CNTNAP2: variants seen among roughly 807,000 people sequenced by gnomAD.
CNTNAP2 encodes contactin associated protein 2, also known as contactin-associated protein-like 2.
In CNTNAP2, 98 loss-of-function variants were observed where a neutral mutation model predicts 155.2. The ratio of observed to expected loss-of-function variants is 0.63; its 90% confidence interval spans 0.54 to 0.75. The LOEUF (loss-of-function observed/expected upper bound fraction) is 0.75, where lower values mean the gene tolerates loss of function less well. Ranked by LOEUF, CNTNAP2 falls within the 30% of genes least tolerant of loss-of-function variation. The pLI, the probability that CNTNAP2 is intolerant of heterozygous loss-of-function variation, is 0.00. For synonymous variants in CNTNAP2, 651 were observed against 631.2 expected (o/e 1.03, Z -0.47); for missense variants, 1,727 against 1,688.1 (o/e 1.02, Z -0.40).
intron 3 of CNTNAP2, among the ~76,000 whole-genome samples, chr7:146,950,944 C>T (rs1797299475): frequency 6.6e-6 from 1 of 152,176 alleles, no homozygotes; most frequent in South Asian, 2.1e-4. Flanking sequence ...TCCACATCCT[C>T]TCCAGCATCT....
rs1250066930 is a variant in CNTNAP2, at chr7:147,275,308, T to A, written c.1349-24833T>A. On this transcript the variant is annotated intron_variant, in intron 8 of 23. Transcript: ENST00000361727. ...AATCCATGAGCATGGGATGTTTTTT[T>A]CTTTTGTTTGTCTTCTATGGTTTCT... 2.6e-5 allele frequency among the ~76,000 whole-genome samples: 4 copies of A among 152,112 alleles called. No individual in the cohort carries two copies. In the East Asian group the frequency reaches 7.7e-4, roughly 29 times the overall value.
chr7:146,805,424 GCT>G (rs1263119420), intron 2 of CNTNAP2, among the ~76,000 whole-genome samples: 1 of 152,174 alleles, frequency 6.6e-6, no homozygotes, highest in Non-Finnish European at 1.5e-5. Flanking sequence ...CTCAGGATTT[GCT>G]CTCTGTTTTC....
At chr7:146,420,786 T>A (rs1158973728) in intron 1 of CNTNAP2, among the ~76,000 whole-genome samples, 1 of 152,100 alleles carries the variant, frequency 6.6e-6, no homozygotes, top group Non-Finnish European at 1.5e-5. Flanking sequence ...ATAAGACACA[T>A]CATTAATGTA....
intron 21 of CNTNAP2, among the ~76,000 whole-genome samples, chr7:148,323,337 G>A (rs1317166295): frequency 2.9e-5 from 1 of 34,402 alleles, no homozygotes; most frequent in Non-Finnish European, 6.1e-5. Flanking sequence ...TTGTGATTTA[G>A]GTTTATTCTT....
intron 3 of CNTNAP2, among the ~76,000 whole-genome samples, chr7:147,001,415 AG>A (rs1798419585): frequency 6.6e-6 from 1 of 152,066 alleles, no homozygotes; most frequent in African/African-American, 2.4e-5. Context: ...ATTATTTTAC[AG>A]ATGAGTAAAA....
intron 1 of CNTNAP2, among the ~76,000 whole-genome samples, chr7:146,395,711 A>G (rs1795609554): frequency 6.6e-6 from 1 of 152,100 alleles, no homozygotes; most frequent in Non-Finnish European, 1.5e-5. Context: ...ACAAATAGCA[A>G]CACAACTAGG....
intron 13 of CNTNAP2, among the ~76,000 whole-genome samples, chr7:147,866,269 T>C (rs1344226906): frequency 1.6e-5 from 2 of 127,036 alleles, no homozygotes; most frequent in East Asian, 4.4e-4. Flanking sequence ...CTAAATTGAT[T>C]GCACTGTGGT....
At chr7:146,718,701 ATTAG>A (rs1290463060) in intron 1 of CNTNAP2, among the ~76,000 whole-genome samples, 1 of 152,130 alleles carries the variant, frequency 6.6e-6, no homozygotes. Flanking sequence ...TCTTCTCAGT[ATTAG>A]TTCTGTTGCT....
At chr7:146,233,616 TC>T (rs1348813348) in intron 1 of CNTNAP2, among the ~76,000 whole-genome samples, 1 of 151,928 alleles carries the variant, frequency 6.6e-6, no homozygotes, top group Non-Finnish European at 1.5e-5. Context: ...CCCTCCCCCT[TC>T]CCCCCACACC....
chr7:148,263,747 A>G (rs1796617918), intron 20 of CNTNAP2, among the ~76,000 whole-genome samples: 3 of 151,880 alleles, frequency 2.0e-5, no homozygotes, highest in Admixed American at 1.3e-4. Context: ...AAAAAAAAAA[A>G]AAAGAAAGAA....
chr7:147,786,976 G>A (rs930431959), intron 13 of CNTNAP2, among the ~76,000 whole-genome samples: 1 of 151,568 alleles, frequency 6.6e-6, no homozygotes, highest in African/African-American at 2.4e-5. Flanking sequence ...CTCGAAGAAG[G>A]AAAGAAGGGA....
chr7:147,584,242 A>G (rs1584831701), intron 12 of CNTNAP2, among the ~76,000 whole-genome samples: 1 of 152,306 alleles, frequency 6.6e-6, no homozygotes, highest in East Asian at 1.9e-4. Flanking sequence ...TCTCTTTCTT[A>G]GGGGTTCACG....
At chr7:146,904,680 C>A (rs1231214439) in intron 3 of CNTNAP2, among the ~76,000 whole-genome samples, 1 of 152,074 alleles carries the variant, frequency 6.6e-6, no homozygotes, top group Non-Finnish European at 1.5e-5. Context: ...ACTGTATTAG[C>A]CAGGATGGTC....
chr7:147,501,208 A>C (rs985107508), intron 11 of CNTNAP2, among the ~76,000 whole-genome samples: 4 of 151,660 alleles, frequency 2.6e-5, no homozygotes, highest in Non-Finnish European at 5.9e-5. Context: ...ACTCTCAGCA[A>C]ACTAGATACA....
chr7:147,975,213 G>A (rs1330448569), intron 14 of CNTNAP2, among the ~76,000 whole-genome samples: 1 of 151,976 alleles, frequency 6.6e-6, no homozygotes, highest in African/African-American at 2.4e-5. Flanking sequence ...ACAAAGGAAT[G>A]CATAGTGATT....
rs568726108 is a variant in CNTNAP2 at position 146,266,794 on chromosome 7, G to GA, written c.97+149830dup. On this transcript the variant is annotated intron_variant, in intron 1 of 23. Transcript: ENST00000361727. ...CACATGTGACAAGAAAGATGTGATG[G>GA]AAAAAAAAATGTTTGTTTACTCACA... Among the ~76,000 whole-genome samples the GA allele has an allele frequency of 4.9e-4, 73 of 149,296 alleles. 1 individual carries two copies. The East Asian group carries it at 5.1e-3, about 10-fold the overall frequency.
chr7:147,776,488 T>A (rs966597194), intron 13 of CNTNAP2, among the ~76,000 whole-genome samples: 2 of 152,168 alleles, frequency 1.3e-5, no homozygotes, highest in Admixed American at 6.5e-5. Flanking sequence ...TGCACACACG[T>A]GGATTAATGC....
chr7:147,698,845 G>A (rs915635639), intron 13 of CNTNAP2, among the ~76,000 whole-genome samples: 1 of 152,208 alleles, frequency 6.6e-6, no homozygotes, highest in Middle Eastern at 3.4e-3. Flanking sequence ...TTGCTGGTGT[G>A]AGCACATTAT....
chr7:148,031,678 C>T (rs1802478701), intron 15 of CNTNAP2, among the ~76,000 whole-genome samples: 1 of 152,058 alleles, frequency 6.6e-6, no homozygotes, highest in South Asian at 2.1e-4. Context: ...GTGGTGTTGC[C>T]CAGGGGAATA....
Sources: gnomAD v4.1 joint callset for allele counts (sites outside exome capture counted in the v4.1 genomes callset) on GRCh38, gnomAD v4.1.1 for gene constraint, MANE v1.5 for transcripts, NCBI Gene and HGNC (gene_info 2026-07-23, HGNC 2026-07-21) for gene names.